Variants in MXRA5 observed in about 807,000 individuals in gnomAD.
MXRA5 encodes matrix remodeling associated 5, also known as matrix-remodeling-associated protein 5.
MXRA5 carries 41 observed loss-of-function variants against 112.5 expected under a neutral mutation model. That is an observed-to-expected ratio of 0.36 (90% CI 0.28 to 0.47). MXRA5 has a LOEUF of 0.47. Among genes scored for constraint, MXRA5 ranks in the 20% least tolerant of loss-of-function variants. MXRA5 has a pLI of 0.99. For missense variants in MXRA5, 2,150 were observed against 2,251.0 expected, an observed-to-expected ratio of 0.96 and a Z score of 0.91; for synonymous variants, 862 against 900.8, an observed-to-expected ratio of 0.96 and a Z score of 0.77.
intron 1 of MXRA5, among the ~76,000 whole-genome samples, chrX:3,345,395 C>T (rs1407928684): frequency 2.7e-5 from 3 of 113,024 alleles, no homozygotes; most frequent in Non-Finnish European, 5.6e-5. Flanking sequence ...CGCCAGAGCC[C>T]GGGCTTTCCC....
Position 3,309,847 on chromosome X carries a change from T to A in MXRA5, c.8356A>T (p.Asn2786Tyr). ...KAGVQARLYG[N>Y]RFLHPQGSLT... The stretch of plus-strand genomic sequence containing the variant: ...GATCCCTGGGGGTGAAGAAATCTGT[T>A]TCCATACAGACGAGCCTGAACCCCT... Residue 2786 changes from asparagine (N) to tyrosine (Y), a missense_variant, in exon 7 of 7, where the codon AAC becomes TAC. This residue lies in a region of MXRA5 where 178 missense variants were observed against 198.2 expected (regional missense o/e 0.90). Coordinates refer to ENST00000217939, the MANE Select transcript of MXRA5 (RefSeq NM_015419.4). 8.3e-7 allele frequency: 1 copy of A among 1,211,380 alleles called. No individual in the cohort carries two copies.
intron 2 of MXRA5, among the ~76,000 whole-genome samples, chrX:3,331,258 C>A (rs1192940508): frequency 9.0e-6 from 1 of 111,151 alleles, no homozygotes; most frequent in Non-Finnish European, 1.9e-5. Context: ...GACGTTTATC[C>A]CTTCGTGTCC....
chrX:3,312,728 G>A (rs1921006334), intron 6 of MXRA5, among the ~76,000 whole-genome samples: 1 of 59,530 alleles, frequency 1.7e-5, no homozygotes, highest in Non-Finnish European at 3.6e-5. Context: ...TGCCTGGATG[G>A]AGTTTTTTTT....
In MXRA5 at chrX:3,317,694, G is replaced by A. The variant is rs199786756; in HGVS notation, c.5987C>T (p.Ser1996Phe). 1.6e-4 allele frequency: 192 copies of A among 1,201,122 alleles called. No individual in the cohort carries two copies. Among genetic ancestry groups the A allele is most frequent in the South Asian group, 8.9e-4 (49 of 55,302 alleles). Residue 1996 changes from serine to phenylalanine, a missense_variant, in exon 6 of 7, where the codon TCC (serine) becomes TTC (phenylalanine). Transcript: ENST00000217939. ...CAGGGTGATGCGGCCCTCCACGGGGGACACAGTTTGCCACACCCTCCTGTC... is the reference window on the plus strand; with the variant it reads ...CAGGGTGATGCGGCCCTCCACGGGGAACACAGTTTGCCACACCCTCCTGTC... ...FPDRRVWQTVSPVEGRITLHE... is the reference protein window; with the variant it reads ...FPDRRVWQTVFPVEGRITLHE...
At chrX:3,312,918 T>C (rs1921009440) in intron 6 of MXRA5, among the ~76,000 whole-genome samples, 1 of 111,885 alleles carries the variant, frequency 8.9e-6, no homozygotes, top group African/African-American at 3.3e-5. Flanking sequence ...ATAGATCTTT[T>C]AAAATAAGCC....
At chrX:3,319,459 C>T (rs1162991462) in intron 5 of MXRA5, among the ~76,000 whole-genome samples, 1 of 112,701 alleles carries the variant, frequency 8.9e-6, no homozygotes, top group East Asian at 2.8e-4. Flanking sequence ...ATGCTGTTCT[C>T]CTGAACTCCT....
chrX:3,326,486 T>C (rs1635252), intron 4 of MXRA5, among the ~76,000 whole-genome samples: 49,346 of 102,205 alleles, frequency 0.48, 9,379 homozygotes, highest in Non-Finnish European at 0.58. Flanking sequence ...TCAATATGTA[T>C]GTATCTAGGT....
rs3752334 is a variant in MXRA5 at position 3,317,311 on chromosome X, C to T, written c.6370G>A (p.Ala2124Thr). Reference protein sequence around the residue: ...PKDSGRYECVAANLVGSARRT... With the variant: ...PKDSGRYECVTANLVGSARRT... ...CGCGCGGAGCCTACCAGGTTGGCGGCCACGCACTCATAGCGCCCGCTGTCC... is the reference window on the plus strand; with the variant it reads ...CGCGCGGAGCCTACCAGGTTGGCGGTCACGCACTCATAGCGCCCGCTGTCC... Residue 2124 changes from alanine to threonine, a missense_variant, in exon 6 of 7, where the codon GCC becomes ACC. Coordinates refer to ENST00000217939, the MANE Select transcript of MXRA5 (RefSeq NM_015419.4). 1.8e-5 allele frequency: 22 copies of T among 1,206,027 alleles called. No homozygotes were observed. Among genetic ancestry groups the T allele is most frequent in the Non-Finnish European group, 2.5e-5 (22 of 892,215 alleles).
At chrX:3,343,565 A>C in intron 2 of MXRA5, 81 bp downstream of exon 2, 2 of 927,032 alleles carry the variant, frequency 2.2e-6, no homozygotes, top group Non-Finnish European at 3.0e-6. Context: ...GAAGTTAAGT[A>C]AATGCACATA....
intron 6 of MXRA5, among the ~76,000 whole-genome samples, chrX:3,312,306 G>C (rs1920999077): frequency 8.9e-6 from 1 of 111,915 alleles, no homozygotes. Flanking sequence ...TCCCCATGAA[G>C]TCCAAGCACT....
intron 6 of MXRA5, among the ~76,000 whole-genome samples, chrX:3,316,511 A>AATAATAATAATAATC: frequency 1.2e-5 from 1 of 80,049 alleles, no homozygotes. Context: ...TAATAATAAT[A>AATAATAATAATAATC]ATAATAACAA....
At chrX:3,342,379 A>G (rs1466147288) in intron 2 of MXRA5, among the ~76,000 whole-genome samples, 2 of 111,878 alleles carry the variant, frequency 1.8e-5, no homozygotes, top group Non-Finnish European at 3.8e-5. Flanking sequence ...AAATAAATAA[A>G]TAAACAAAAC....
chrX:3,334,728 C>T (rs767320594), intron 2 of MXRA5, among the ~76,000 whole-genome samples: 55 of 111,755 alleles, frequency 4.9e-4, no homozygotes, highest in Non-Finnish European at 4.7e-4. Flanking sequence ...TCATAATATT[C>T]GTAAACATGT....
Position 3,309,976 on chromosome X carries a change from T to C in MXRA5, c.8227A>G (p.Ile2743Val). The C allele has an allele frequency of 8.3e-7, 1 of 1,210,911 alleles. No individual in the cohort carries two copies. Among genetic ancestry groups the C allele is most frequent in the Admixed American group, 2.2e-5 (1 of 45,996 alleles). Residue 2743 changes from isoleucine (I) to valine (V), a missense_variant, in exon 7 of 7, where the codon ATC becomes GTC. Transcript: ENST00000217939. ...ACGGTGTTCCCGGGCCGGGTGTAGA[T>C]GACCGGGGTGGGCTCGCTGGTGATC... ...PRITSEPTPV[I>V]YTRPGNTVKL... is the part of the protein sequence containing the mutation.
chrX:3,318,607 A>T lies in MXRA5; in HGVS notation c.5678-604T>A, dbSNP rs1921214379. 2.7e-5 allele frequency among the ~76,000 whole-genome samples: 3 copies of T among 112,496 alleles called. No homozygotes were observed. In the Admixed American group the frequency reaches 2.8e-4, roughly 11 times the overall value. ...GGTGGGAATGTAATTTGGTACAACC[A>T]CTGTGGAAAACAGTATGGAGATTCC... On this transcript the variant is annotated intron_variant, in intron 5 of 6. Coordinates refer to ENST00000217939, the MANE Select transcript of MXRA5 (RefSeq NM_015419.4).
rs1158992200 is a variant in MXRA5, at chrX:3,330,011, T to G, written c.709+7A>C. 15 of 1,207,678 alleles carry G rather than the reference T, an allele frequency of 1.2e-5. No homozygotes were observed. The highest frequency in any genetic ancestry group is 1.6e-5 in the Non-Finnish European group (14 of 893,938). ...GCTAGGAGTGGTCTGCTCTCCTCTCTTCTTACCTCTGGATTTTGCATCCCA... is the reference window on the plus strand; with the variant it reads ...GCTAGGAGTGGTCTGCTCTCCTCTCGTCTTACCTCTGGATTTTGCATCCCA... On this transcript the variant is annotated splice_region_variant and intron_variant, in intron 4 of 6. Transcript: ENST00000217939.
chrX:3,326,550 TATA>T (rs1300432626), intron 4 of MXRA5, among the ~76,000 whole-genome samples: 6 of 107,272 alleles, frequency 5.6e-5, no homozygotes, highest in Non-Finnish European at 9.5e-5. Context: ...ATAATGTATA[TATA>T]ATCAATACGT....
chrX:3,315,373 A>ATAGAAGGATGGATAGATGATGG (rs774517413), intron 6 of MXRA5, among the ~76,000 whole-genome samples: 1 of 48,223 alleles, frequency 2.1e-5, no homozygotes. Context: ...AGATAGATAG[A>ATAGAAGGATGGATAGATGATGG]ATAGATAGAT....
intron 2 of MXRA5, among the ~76,000 whole-genome samples, chrX:3,338,962 A>T (rs768095670): frequency 5.0e-5 from 4 of 79,952 alleles, no homozygotes; most frequent in Admixed American, 3.7e-4. Flanking sequence ...AGATAGTTAG[A>T]TAGATAGATA....
Sources: allele counts gnomAD v4.1 joint callset (sites outside exome capture counted in the v4.1 genomes callset), GRCh38; gene constraint gnomAD v4.1.1; regional missense constraint gnomAD v4.1.1; transcripts MANE v1.5; gene names NCBI Gene and HGNC (gene_info 2026-07-23, HGNC 2026-07-21).